The following CACNA2D3 variants were observed in gnomAD, a reference collection of about 807,000 sequenced individuals.
CACNA2D3 encodes the protein voltage-dependent calcium channel subunit alpha-2/delta-3.
A neutral mutation model predicts 160.6 loss-of-function variants in CACNA2D3; 60 were observed. The observed-to-expected ratio is 0.37, with a 90% CI of 0.30 to 0.46. The LOEUF is 0.46. CACNA2D3 is among the 20% of genes least tolerant of loss of function. The pLI is 1.00. For synonymous variants in CACNA2D3, 558 were observed against 492.9 expected, an observed-to-expected ratio of 1.13 and a Z score of -1.75; for missense variants, 1,205 against 1,365.0, an observed-to-expected ratio of 0.88 and a Z score of 1.85.
chr3:54,215,642 A>G (rs1478543504), intron 2 of CACNA2D3, among the ~76,000 whole-genome samples: 5 of 152,174 alleles, frequency 3.3e-5, no homozygotes, highest in African/African-American at 4.8e-5. Context: ...AGGTGGGGCC[A>G]TGCATCCTTT....
At chr3:54,626,269 G>T (rs915567126) in intron 9 of CACNA2D3, 6 of 1,359,992 alleles carry the variant, frequency 4.4e-6, no homozygotes, top group East Asian at 2.5e-5. Flanking sequence ...CTACCGTGGC[G>T]TGGACCTGGA....
chr3:54,997,581 C>G (rs532876623), intron 31 of CACNA2D3, among the ~76,000 whole-genome samples: 3 of 117,084 alleles, frequency 2.6e-5, no homozygotes, highest in Non-Finnish European at 3.4e-5. Flanking sequence ...AAAAAATTAA[C>G]TAGATATGGT....
At chr3:54,180,441 G>C (rs1303168401) in intron 2 of CACNA2D3, among the ~76,000 whole-genome samples, 1 of 152,206 alleles carries the variant, frequency 6.6e-6, no homozygotes, top group African/African-American at 2.4e-5. Context: ...GCATTTCAAA[G>C]ATAGGAATCT....
intron 2 of CACNA2D3, among the ~76,000 whole-genome samples, chr3:54,303,272 A>T (rs1559915584): frequency 6.6e-6 from 1 of 152,174 alleles, no homozygotes; most frequent in African/African-American, 2.4e-5. Flanking sequence ...GTATTTAGGA[A>T]TTATTTATTG....
In CACNA2D3 at chr3:54,546,714, G is replaced by GCA. The variant is rs757778674; in HGVS notation, c.545-16069_545-16068dup. ...TCAACACATGCACACACACACGCGC[G>GCA]CACACACACACACACACAGACGGTC... On this transcript the variant is annotated intron_variant, in intron 5 of 37. Transcript: ENST00000474759. Among the ~76,000 whole-genome samples the GCA allele has an allele frequency of 9.8e-3, 307 of 31,256 alleles. 1 individual carries two copies. The highest frequency in any genetic ancestry group is 0.019 in the African/African-American group (281 of 14,534). 20.5% of individuals were successfully genotyped at this position (31,256 alleles called of 152,430 possible).
At chr3:54,615,613 C>T (rs761114498) in intron 9 of CACNA2D3, among the ~76,000 whole-genome samples, 2 of 152,156 alleles carry the variant, frequency 1.3e-5, no homozygotes, top group Non-Finnish European at 2.9e-5. Flanking sequence ...CAAAGTGAAA[C>T]GTGGTTTGTT....
intron 27 of CACNA2D3, among the ~76,000 whole-genome samples, chr3:54,937,259 G>T (rs896722482): frequency 6.6e-6 from 1 of 152,170 alleles, no homozygotes; most frequent in Non-Finnish European, 1.5e-5. Flanking sequence ...AATGTCATAG[G>T]CATCAAAATA....
chr3:54,240,982 C>G (rs1701964298), intron 2 of CACNA2D3, among the ~76,000 whole-genome samples: 1 of 152,196 alleles, frequency 6.6e-6, no homozygotes, highest in South Asian at 2.1e-4. Flanking sequence ...CTCAAGTGAT[C>G]CACTCACCTC....
chr3:54,917,427 C>T (rs903996629), intron 27 of CACNA2D3, among the ~76,000 whole-genome samples: 21 of 152,338 alleles, frequency 1.4e-4, no homozygotes, highest in Admixed American at 1.1e-3. Context: ...TTCCTTCTTA[C>T]TCCTATCCCA....
chr3:54,958,479 G>T (rs572471847), intron 27 of CACNA2D3, among the ~76,000 whole-genome samples: 1 of 152,224 alleles, frequency 6.6e-6, no homozygotes, highest in African/African-American at 2.4e-5. Context: ...TCTTAGAAGT[G>T]TCTCAGAAAG....
chr3:54,843,521 G>A (rs942319558), intron 16 of CACNA2D3, among the ~76,000 whole-genome samples: 3 of 152,168 alleles, frequency 2.0e-5, no homozygotes, highest in African/African-American at 7.2e-5. Context: ...GTGGAGGGAG[G>A]CAGGGTTGGG....
chr3:54,527,123 A>G (rs1413369019), intron 5 of CACNA2D3, among the ~76,000 whole-genome samples: 1 of 152,192 alleles, frequency 6.6e-6, no homozygotes, highest in Non-Finnish European at 1.5e-5. Flanking sequence ...AGTATTTGAG[A>G]TATGTCCTCC....
chr3:54,576,629 G>C (rs1244145665), intron 8 of CACNA2D3, among the ~76,000 whole-genome samples: 6 of 152,214 alleles, frequency 3.9e-5, no homozygotes, highest in Non-Finnish European at 7.3e-5. Flanking sequence ...ACCTCAGCAA[G>C]AGTTGTGCGA....
At chr3:54,901,685 C>T (rs927361716) in intron 27 of CACNA2D3, among the ~76,000 whole-genome samples, 7 of 152,138 alleles carry the variant, frequency 4.6e-5, no homozygotes, top group Admixed American at 6.5e-5. Context: ...GAAGCAAGGT[C>T]ATTTAAAGAA....
chr3:54,705,062 C>T (rs1046569389), intron 11 of CACNA2D3, among the ~76,000 whole-genome samples: 5 of 152,036 alleles, frequency 3.3e-5, no homozygotes, highest in Non-Finnish European at 7.4e-5. Context: ...CTGCACGGGT[C>T]TTCCTGCCTG....
chr3:54,324,621 T>C (rs1345343971), intron 3 of CACNA2D3, among the ~76,000 whole-genome samples: 1 of 152,122 alleles, frequency 6.6e-6, no homozygotes, highest in Non-Finnish European at 1.5e-5. Flanking sequence ...GCCATGCTCC[T>C]GCTTGCTTTT....
intron 27 of CACNA2D3, among the ~76,000 whole-genome samples, chr3:54,962,916 T>C (rs955638283): frequency 1.8e-4 from 27 of 152,342 alleles, no homozygotes; most frequent in African/African-American, 6.3e-4. Flanking sequence ...TATTTCTAAA[T>C]GAATACGATA....
intron 35 of CACNA2D3, among the ~76,000 whole-genome samples, chr3:55,035,404 A>G (rs1026973026): frequency 2.6e-5 from 4 of 152,200 alleles, no homozygotes; most frequent in Non-Finnish European, 2.9e-5. Flanking sequence ...ATGTGTGAGC[A>G]TGGCTATAAG....
At chr3:54,132,930 T>C (rs1699741885) in intron 2 of CACNA2D3, among the ~76,000 whole-genome samples, 2 of 152,166 alleles carry the variant, frequency 1.3e-5, no homozygotes, top group Non-Finnish European at 1.5e-5. Flanking sequence ...AATGAGAAGA[T>C]GCATGCAGGA....
Sources: allele counts gnomAD v4.1 joint callset (sites outside exome capture counted in the v4.1 genomes callset), GRCh38; gene constraint gnomAD v4.1.1; transcripts MANE v1.5; gene names NCBI Gene and HGNC (gene_info 2026-07-23, HGNC 2026-07-21).